CILP2: variants seen among roughly 807,000 people sequenced by gnomAD.
CILP2 encodes CILP-2.
A neutral mutation model predicts 45.6 loss-of-function variants in CILP2; 38 were observed. That is an observed-to-expected ratio of 0.83 (90% CI 0.64 to 1.09). The LOEUF is 1.09. CILP2 is among the 50% of genes least tolerant of loss of function. The pLI is 0.00. For missense variants in CILP2, 1,735 were observed against 1,662.2 expected, an observed-to-expected ratio of 1.04 and a Z score of -0.76; for synonymous variants, 780 against 723.5, an observed-to-expected ratio of 1.08 and a Z score of -1.25.
chr19:19,546,309 C>G lies in CILP2; in HGVS notation c.*293C>G. 1 of 294,868 alleles carries G rather than the reference C, an allele frequency of 3.4e-6. No individual in the cohort carries two copies. Among genetic ancestry groups the G allele is most frequent in the Non-Finnish European group, 6.3e-6 (1 of 159,472 alleles). 18.3% of individuals were successfully genotyped at this position (294,868 alleles called of 1,614,324 possible). On this transcript the variant is annotated 3_prime_UTR_variant, in exon 8 of 8. Transcript: ENST00000291495. ...GACCCGCTCCCAGCTCAGAAGCCGT[C>G]TCTGACTTCTCGTGCGTATTTTGAC...
Position 19,544,990 on chromosome 19 carries a change from C to G in CILP2, c.2445C>G (p.Gly815=), listed in dbSNP as rs200778798. The change falls in exon 8 of 8, where the codon GGC becomes GGG. Residue 815 remains glycine (G), a synonymous_variant. Transcript: ENST00000291495. ...YTALVTATLG[G]EELEPAPSLP... is the part of the protein sequence containing the mutation. ...CCCTGGTCACCGCCACCCTGGGCGG[C>G]GAGGAGCTGGAGCCGGCCCCTTCCT... 6.3e-7 allele frequency: 1 copy of G among 1,598,422 alleles called. No homozygotes were observed. Among genetic ancestry groups the G allele is most frequent in the African/African-American group, 1.3e-5 (1 of 74,932 alleles).
In CILP2 at chr19:19,540,282, G is replaced by C; in HGVS notation, c.242G>C (p.Arg81Pro). The stretch of plus-strand genomic sequence containing the variant: ...GACTTCGAGAGCCTGGCTGCCATCC[G>C]CTTCTACTACGGGCCAGCGCGCGTG... ...DGDFESLAAI[R>P]FYYGPARVCP... Residue 81 changes from arginine to proline, a missense_variant, in exon 3 of 8, where the codon CGC becomes CCC. Transcript: ENST00000291495. The C allele has an allele frequency of 6.3e-7, 1 of 1,599,118 alleles. No individual in the cohort carries two copies.
At position 19,545,198 on chromosome 19, in the gene CILP2, C is replaced by T. The variant is rs200137684; in HGVS notation, c.2653C>T (p.Arg885Trp). Residue 885 changes from arginine (R) to tryptophan (W), a missense_variant, in exon 8 of 8, where the codon CGG becomes TGG. Transcript: ENST00000291495. The stretch of plus-strand genomic sequence containing the variant: ...GCCTGTGTACCCGTGGCGCAGCCTG[C>T]GGGAATGCCAGGGGGCCCCGGTGAC... ...NGPVYPWRSL[R>W]ECQGAPVTAS... 11 of 1,612,536 alleles carry T rather than the reference C, an allele frequency of 6.8e-6. No homozygotes were observed. The East Asian group carries it at 8.9e-5, about 13-fold the overall frequency.
intron 2 of CILP2, 46 bp downstream of exon 2, chr19:19,539,823 G>T: frequency 2.0e-6 from 3 of 1,477,940 alleles, no homozygotes; most frequent in Non-Finnish European, 9.2e-7. Flanking sequence ...CGGGCTTGTT[G>T]GGGGTGGGGC....
intron 6 of CILP2, 114 bp downstream of exon 6, chr19:19,543,086 GA>G: frequency 1.0e-6 from 1 of 985,112 alleles, no homozygotes; most frequent in South Asian, 1.5e-5. Context: ...AACGGGGAAT[GA>G]ATTGGGTGGG....
intron 4 of CILP2, among the ~76,000 whole-genome samples, chr19:19,541,800 A>G (rs2061245453): frequency 6.6e-6 from 1 of 152,164 alleles, no homozygotes; most frequent in Admixed American, 6.5e-5. Flanking sequence ...GCAAGCCAGG[A>G]GGAGACTGGA....
intron 1 of CILP2, among the ~76,000 whole-genome samples, chr19:19,538,849 T>C (rs1050484614): frequency 1.3e-5 from 2 of 152,224 alleles, no homozygotes; most frequent in Non-Finnish European, 2.9e-5. Flanking sequence ...GGGGCTTGTC[T>C]GACCTCATCA....
At position 19,544,385 on chromosome 19, in the gene CILP2, G is replaced by T. The variant is rs1568370058; in HGVS notation, c.1840G>T (p.Asp614Tyr). Reference protein sequence around the residue: ...EARVTFVDPRDLTSAASAPSD... With the variant: ...EARVTFVDPRYLTSAASAPSD... ...CCGGGTGACGTTCGTGGACCCCCGA[G>T]ACCTCACCTCGGCGGCGTCTGCCCC... The change falls in exon 8 of 8, where the codon GAC becomes TAC. Residue 614 changes from aspartate to tyrosine, a missense_variant. By Grantham distance (160) the Asp-to-Tyr change is radical (BLOSUM62 -3). Transcript: ENST00000291495. 6.2e-7 allele frequency: 1 copy of T among 1,610,232 alleles called. No individual in the cohort carries two copies.
chr19:19,545,206 C>G lies in CILP2; in HGVS notation c.2661C>G (p.Cys887Trp). ...PVYPWRSLRE[C>W]QGAPVTASHF... ...ACCCGTGGCGCAGCCTGCGGGAATG[C>G]CAGGGGGCCCCGGTGACTGCCAGCC... Residue 887 changes from cysteine (C) to tryptophan (W), a missense_variant, in exon 8 of 8, where the codon TGC (cysteine) becomes TGG (tryptophan). Transcript: ENST00000291495. 2 of 1,612,456 alleles carry G rather than the reference C, an allele frequency of 1.2e-6. No homozygotes were observed. The highest frequency in any genetic ancestry group is 1.1e-5 in the South Asian group (1 of 91,028).
At position 19,545,662 on chromosome 19, in the gene CILP2, C is replaced by G. The variant is rs745826472; in HGVS notation, c.3117C>G (p.Pro1039=). 1.2e-6 allele frequency: 2 copies of G among 1,609,836 alleles called. No individual in the cohort carries two copies. The highest frequency in any genetic ancestry group is 3.3e-5 in the Admixed American group (2 of 59,702). The change falls in exon 8 of 8, where the codon CCC becomes CCG. Residue 1039 remains proline (P), a synonymous_variant. Transcript: ENST00000291495. ...TGACCCGGCACCCCCCACCGGTGCCCGCGGAGGACCCAGCTGCCTTCTCCA... is the reference window on the plus strand; with the variant it reads ...TGACCCGGCACCCCCCACCGGTGCCGGCGGAGGACCCAGCTGCCTTCTCCA... ...DYLTRHPPPV[P]AEDPAAFSML... is the part of the protein sequence containing the mutation.
rs763684071 is a variant in CILP2 at position 19,545,018 on chromosome 19, CCCCGCCCACT to C, written c.2478_2487del (p.Leu828ProfsTer62). 1.9e-6 allele frequency: 3 copies of C among 1,605,194 alleles called. No homozygotes were observed. The Admixed American group carries it at 5.0e-5, about 27-fold the overall frequency. On this transcript the variant is annotated frameshift_variant, in exon 8 of 8. Coordinates refer to ENST00000291495, the MANE Select transcript of CILP2 (RefSeq NM_153221.2). LOFTEE classifies it low-confidence loss of function (END_TRUNC). ...GGAGCTGGAGCCGGCCCCTTCCTTG[CCCCGCCCACT>C]CCCGGCCACCGTGGGCGTCACCCAG...
Position 19,538,369 on chromosome 19 carries a change from T to C in CILP2, c.20T>C (p.Leu7Pro), listed in dbSNP as rs781148136. 10 of 1,581,424 alleles carry C rather than the reference T, an allele frequency of 6.3e-6. No homozygotes were observed. The African/African-American group carries it at 1.4e-4, about 22-fold the overall frequency. ...CCGGCCATGGCGTCGCTGCTGCCAC[T>C]GCTCTGTCTCTGTGTCGTCGCTGCG... MASLLP[L>P]LCLCVVAAHL... The change falls in exon 1 of 8, where the codon CTG becomes CCG. Residue 7 changes from leucine (L) to proline (P), a missense_variant. Transcript: ENST00000291495.
chr19:19,544,541 G>A lies in CILP2; in HGVS notation c.1996G>A (p.Ala666Thr), dbSNP rs1225441680. ...LQVGPVAVRV[A>T]ASQIHMPGHV... is the part of the protein sequence containing the mutation. ...GGTGGGGCCGGTGGCCGTGCGGGTG[G>A]CCGCCAGCCAGATCCACATGCCAGG... Residue 666 changes from alanine to threonine, a missense_variant, in exon 8 of 8, where the codon GCC (alanine) becomes ACC (threonine). Ala to Thr is a moderately conservative substitution (Grantham distance 58). Coordinates refer to ENST00000291495, the MANE Select transcript of CILP2 (RefSeq NM_153221.2). 2.5e-6 allele frequency: 4 copies of A among 1,583,546 alleles called. No homozygotes were observed. The highest frequency in any genetic ancestry group is 1.7e-6 in the Non-Finnish European group (2 of 1,171,180).
In CILP2 at chr19:19,545,500, C is replaced by A; in HGVS notation, c.2955C>A (p.Gly985=). 6.2e-7 allele frequency: 1 copy of A among 1,612,534 alleles called. No individual in the cohort carries two copies. Among genetic ancestry groups the A allele is most frequent in the Non-Finnish European group, 8.5e-7 (1 of 1,179,796 alleles). The change falls in exon 8 of 8, where the codon GGC becomes GGA. Residue 985 remains glycine, a synonymous_variant. Transcript: ENST00000291495. ...ARSVRDPERP[G]TSAACVEFKC... is the part of the protein sequence containing the mutation. ...GTGTGCGAGACCCCGAGCGTCCGGG[C>A]ACCTCGGCAGCCTGCGTGGAGTTCA... is the stretch of plus-strand genomic sequence containing the variant.
At chr19:19,543,089 T>C in intron 6 of CILP2, 117 bp downstream of exon 6, 3 of 990,852 alleles carry the variant, frequency 3.0e-6, no homozygotes, top group Non-Finnish European at 4.6e-6. Flanking sequence ...GGGGAATGAA[T>C]TGGGTGGGAG....
rs1327397913 is a variant in CILP2, at chr19:19,545,958, A to C, written c.3413A>C (p.Gln1138Pro). ...DIRREMSEAA[Q>P]AQARASGPLR... ...CGCAGGGAGATGAGCGAGGCGGCGC[A>C]GGCACAGGCCCGGGCCTCAGGTCCC... Residue 1138 changes from glutamine (Q) to proline (P), a missense_variant, in exon 8 of 8, where the codon CAG becomes CCG. Gln to Pro is a moderately conservative substitution (Grantham distance 76, BLOSUM62 -1). Coordinates refer to ENST00000291495, the MANE Select transcript of CILP2 (RefSeq NM_153221.2). The C allele has an allele frequency of 6.4e-7, 1 of 1,552,140 alleles. No homozygotes were observed. Among genetic ancestry groups the C allele is most frequent in the East Asian group, 2.3e-5 (1 of 43,804 alleles).
chr19:19,543,478 C>T (rs1280758892), intron 7 of CILP2, 73 bp downstream of exon 7: 18 of 1,554,170 alleles, frequency 1.2e-5, no homozygotes, highest in Non-Finnish European at 1.6e-5. Flanking sequence ...AAGCTCAACC[C>T]CAAATGGAGC....
chr19:19,544,070 T>G lies in CILP2; in HGVS notation c.1525T>G (p.Phe509Val). 1 of 1,613,976 alleles carries G rather than the reference T, an allele frequency of 6.2e-7. No individual in the cohort carries two copies. The highest frequency in any genetic ancestry group is 8.5e-7 in the Non-Finnish European group (1 of 1,180,014). Residue 509 changes from phenylalanine (F) to valine (V), a missense_variant, in exon 8 of 8, where the codon TTT becomes GTT. Physicochemically the swap from Phe to Val is conservative, Grantham distance 50 (BLOSUM62 -1). Coordinates refer to ENST00000291495, the MANE Select transcript of CILP2 (RefSeq NM_153221.2). ...CGGCTTCACCGCCTACCAGGGCGAC[T>G]TTACCATTGAGGTGCCGCCCTCCAC... is the stretch of plus-strand genomic sequence containing the variant. ...PIGFTAYQGD[F>V]TIEVPPSTQR...
Position 19,544,695 on chromosome 19 carries a change from G to T in CILP2, c.2150G>T (p.Gly717Val). Reference protein sequence around the residue: ...VRREERVFLVGNVEIRERRLF... With the variant: ...VRREERVFLVVNVEIRERRLF... ...CGGGAGGAGCGCGTCTTCCTGGTGGGCAACGTGGAGATCCGGGAGCGGCGC... is the reference window on the plus strand; with the variant it reads ...CGGGAGGAGCGCGTCTTCCTGGTGGTCAACGTGGAGATCCGGGAGCGGCGC... The change falls in exon 8 of 8, where the codon GGC becomes GTC. Residue 717 changes from glycine (G) to valine (V), a missense_variant. Coordinates refer to ENST00000291495, the MANE Select transcript of CILP2 (RefSeq NM_153221.2). The T allele has an allele frequency of 6.3e-7, 1 of 1,584,094 alleles. No homozygotes were observed.
Sources: gnomAD v4.1 joint callset for allele counts (sites outside exome capture counted in the v4.1 genomes callset) on GRCh38, gnomAD v4.1.1 for gene constraint, MANE v1.5 for transcripts, NCBI Gene and HGNC (gene_info 2026-07-23, HGNC 2026-07-21) for gene names.